SDHC: variants seen among roughly 807,000 people sequenced by gnomAD.
SDHC encodes the protein succinate dehydrogenase cytochrome b560 subunit, mitochondrial.
In SDHC, 11 loss-of-function variants were observed where a neutral mutation model predicts 22.6. That is an observed-to-expected ratio of 0.49 (90% confidence interval 0.31 to 0.81). The LOEUF is 0.81. Among genes scored for constraint, SDHC ranks in the 30% least tolerant of loss-of-function variants. The pLI is 0.05. For synonymous variants in SDHC, 80 were observed against 77.8 expected, an observed-to-expected ratio of 1.03 and a Z score of -0.15; for missense variants, 160 against 212.0, an observed-to-expected ratio of 0.75 and a Z score of 1.52.
intron 4 of SDHC, among the ~76,000 whole-genome samples, chr1:161,343,728 T>C (rs913529607): frequency 2.0e-5 from 3 of 152,202 alleles, no homozygotes; most frequent in African/African-American, 7.2e-5. Flanking sequence ...GTGATATTGA[T>C]GAACAGATTT....
At chr1:161,330,990 T>A (rs763654066) in intron 3 of SDHC, among the ~76,000 whole-genome samples, 10 of 118,652 alleles carry the variant, frequency 8.4e-5, no homozygotes, top group Non-Finnish European at 1.6e-4. Context: ...GCCTGGGCTC[T>A]GTTTCCAAAA....
chr1:161,314,587 C>A, intron 1 of SDHC, 162 bp downstream of exon 1: 1 of 776,962 alleles, frequency 1.3e-6, no homozygotes, highest in Non-Finnish European at 2.1e-6. Context: ...CTTTTCCCGT[C>A]CCCCCCAGCC....
At chr1:161,361,028 G>A (rs1029309858) in intron 5 of SDHC, among the ~76,000 whole-genome samples, 4 of 152,028 alleles carry the variant, frequency 2.6e-5, no homozygotes, top group Admixed American at 6.6e-5. Flanking sequence ...CAAGAGAATC[G>A]CTTGAACCTG....
At chr1:161,347,659 A>C (rs1468861546) in intron 4 of SDHC, among the ~76,000 whole-genome samples, 1 of 151,898 alleles carries the variant, frequency 6.6e-6, no homozygotes, top group Non-Finnish European at 1.5e-5. Context: ...CAAGGTCAAG[A>C]GATCAAGACC....
intron 3 of SDHC, among the ~76,000 whole-genome samples, chr1:161,331,379 C>T (rs1299354382): frequency 6.6e-6 from 1 of 151,774 alleles, no homozygotes; most frequent in African/African-American, 2.4e-5. Flanking sequence ...GCAATCCTTC[C>T]ACCTCAGCCT....
intron 2 of SDHC, 68 bp from the exon 3 acceptor site, chr1:161,328,328 A>C: frequency 1.6e-6 from 2 of 1,281,294 alleles, no homozygotes; most frequent in South Asian, 2.4e-5. Context: ...TGACTTAATA[A>C]AACGTTATGC....
intron 1 of SDHC, among the ~76,000 whole-genome samples, chr1:161,322,477 G>A (rs1366455866): frequency 1.3e-5 from 2 of 152,064 alleles, no homozygotes; most frequent in African/African-American, 4.8e-5. Flanking sequence ...GAGTTTGACT[G>A]ATGTTAGTTC....
At chr1:161,322,590 A>G (rs1425792387) in intron 1 of SDHC, among the ~76,000 whole-genome samples, 1 of 149,190 alleles carries the variant, frequency 6.7e-6, no homozygotes, top group Non-Finnish European at 1.5e-5. Flanking sequence ...TTTTTGAGAC[A>G]AGGTCTAGCC....
At position 161,362,367 on chromosome 1, in the gene SDHC, A is replaced by G. The variant is rs377230417; in HGVS notation, c.444A>G (p.Leu148=). ...GAAAAGGCCTGAAGATTCCCCAGCT[A>G]TACCAGTCTGGAGTGGTTGTCCTGG... ...DLGKGLKIPQ[L]YQSGVVVLVL... is the part of the protein sequence containing the mutation. The change falls in exon 6 of 6, where the codon CTA becomes CTG. Residue 148 remains leucine (L), a synonymous_variant. Transcript: ENST00000367975. 1.2e-6 allele frequency: 2 copies of G among 1,612,552 alleles called. No homozygotes were observed. Among genetic ancestry groups the G allele is most frequent in the Non-Finnish European group, 1.7e-6 (2 of 1,179,728 alleles).
chr1:161,327,387 A>T (rs1471967672), intron 2 of SDHC, among the ~76,000 whole-genome samples: 1 of 152,086 alleles, frequency 6.6e-6, no homozygotes, highest in Non-Finnish European at 1.5e-5. Context: ...GCATAACTAT[A>T]ATTATTTTGA....
intron 2 of SDHC, 71 bp from the exon 3 acceptor site, chr1:161,328,325 A>G (rs928790861): frequency 9.5e-6 from 12 of 1,263,008 alleles, no homozygotes; most frequent in African/African-American, 1.5e-5. Flanking sequence ...TATTGACTTA[A>G]TAAAACGTTA....
chr1:161,333,061 G>A (rs1320530470), intron 3 of SDHC, among the ~76,000 whole-genome samples: 2 of 152,180 alleles, frequency 1.3e-5, no homozygotes, highest in East Asian at 1.9e-4. Flanking sequence ...TACCTATTCC[G>A]AACATTTCAT....
At chr1:161,330,688 T>C (rs1282748958) in intron 3 of SDHC, among the ~76,000 whole-genome samples, 1 of 152,176 alleles carries the variant, frequency 6.6e-6, no homozygotes, top group Non-Finnish European at 1.5e-5. Context: ...AGTATTTCTG[T>C]TGGTATAACA....
intron 4 of SDHC, among the ~76,000 whole-genome samples, chr1:161,342,931 C>T (rs1352153695): frequency 2.0e-5 from 3 of 152,204 alleles, no homozygotes; most frequent in African/African-American, 4.8e-5. Flanking sequence ...CCCTCCATCG[C>T]GTCTCTTTTG....
At chr1:161,342,298 G>A (rs1671748152) in intron 4 of SDHC, among the ~76,000 whole-genome samples, 1 of 152,066 alleles carries the variant, frequency 6.6e-6, no homozygotes, top group South Asian at 2.1e-4. Context: ...ATATCCACAG[G>A]GAGAACAGGT....
chr1:161,315,474 T>C (rs1261140970), intron 1 of SDHC, among the ~76,000 whole-genome samples: 7 of 152,250 alleles, frequency 4.6e-5, no homozygotes, highest in Non-Finnish European at 7.3e-5. Context: ...TTGCCAGTGC[T>C]GTCTTCTTTA....
Position 161,317,279 on chromosome 1 carries a change from C to CG in SDHC, c.20+2856dup, listed in dbSNP as rs199726354. ...TCCTGACCTCATGATCCATCCGCCT[C>CG]GGCCTCCCAAAGTGCTGAGATTACA... is the stretch of plus-strand genomic sequence containing the variant. On this transcript the variant is annotated intron_variant, in intron 1 of 5. Transcript: ENST00000367975. 9.7e-3 allele frequency among the ~76,000 whole-genome samples: 1,468 copies of CG among 151,830 alleles called. 20 individuals are homozygous for CG. The highest frequency in any genetic ancestry group is 0.034 in the African/African-American group (1,403 of 41,418).
At chr1:161,340,063 G>A (rs1671665297) in intron 3 of SDHC, among the ~76,000 whole-genome samples, 2 of 152,108 alleles carry the variant, frequency 1.3e-5, no homozygotes, top group South Asian at 2.1e-4. Context: ...TTGGGAGGCC[G>A]AGGTGGGCGG....
At chr1:161,322,225 G>A (rs1363703610) in intron 1 of SDHC, among the ~76,000 whole-genome samples, 1 of 152,130 alleles carries the variant, frequency 6.6e-6, no homozygotes, top group African/African-American at 2.4e-5. Context: ...TTCCACAGTA[G>A]GGGTGCTCAA....
Sources: gnomAD v4.1 joint callset for allele counts (sites outside exome capture counted in the v4.1 genomes callset) on GRCh38, gnomAD v4.1.1 for gene constraint, MANE v1.5 for transcripts, NCBI Gene and HGNC (gene_info 2026-07-23, HGNC 2026-07-21) for gene names.